MYMK: variants seen among roughly 807,000 people sequenced by gnomAD.
MYMK encodes the protein protein myomaker.
MYMK carries 16 observed loss-of-function variants against 22.4 expected under a neutral mutation model. That is an observed-to-expected ratio of 0.72 (90% confidence interval 0.48 to 1.09). MYMK has a LOEUF of 1.09. MYMK is among the 50% of genes least tolerant of loss of function. The pLI is 0.00. For missense variants in MYMK, 250 were observed against 295.6 expected (o/e 0.85, Z 1.13); for synonymous variants, 125 against 127.0 (o/e 0.98, Z 0.11).
intron 2 of MYMK, 70 bp from the exon 3 acceptor site, chr9:133,519,092 C>T (rs1286789614): frequency 1.9e-6 from 3 of 1,587,656 alleles, no homozygotes. Context: ...CCCCCCCACC[C>T]CCCAGCCCCC....
intron 1 of MYMK, among the ~76,000 whole-genome samples, chr9:133,520,829 G>A (rs1026549025): frequency 6.6e-6 from 1 of 152,216 alleles, no homozygotes; most frequent in South Asian, 2.1e-4. Flanking sequence ...CACTGCAGCA[G>A]CGTTCTCAGG....
Position 133,514,800 on chromosome 9 carries a change from C to A in MYMK, c.517-15G>T. The A allele has an allele frequency of 1.2e-6, 2 of 1,611,374 alleles. No individual in the cohort carries two copies. Among genetic ancestry groups the A allele is most frequent in the Non-Finnish European group, 8.5e-7 (1 of 1,178,372 alleles). On this transcript the variant is annotated splice_polypyrimidine_tract_variant and intron_variant, in intron 4 of 4. Coordinates refer to ENST00000339996, the MANE Select transcript of MYMK (RefSeq NM_001080483.3). ...TAGTCCCAGTCCTGCGGGGGGCAAG[C>A]GGTCAGTCTGGGGCCTCAGCCCCCT...
intron 1 of MYMK, among the ~76,000 whole-genome samples, chr9:133,521,675 A>G (rs1844704719): frequency 6.6e-6 from 1 of 152,258 alleles, no homozygotes; most frequent in East Asian, 1.9e-4. Context: ...CCAGCGGTGG[A>G]CATGACTGTT....
rs200208795 is a variant in MYMK at position 133,519,665 on chromosome 9, GC to G, written c.250+508del. 8.6e-3 allele frequency among the ~76,000 whole-genome samples: 1,311 copies of G among 152,266 alleles called. 28 individuals are homozygous for G. Among genetic ancestry groups the G allele is most frequent in the African/African-American group, 0.03 (1,248 of 41,548 alleles). On this transcript the variant is annotated intron_variant, in intron 2 of 4. Coordinates refer to ENST00000339996, the MANE Select transcript of MYMK (RefSeq NM_001080483.3). ...AGAGAAGAAATGAAGCCCCTCACAG[GC>G]CCGGTTAGATGGCAAGGAGCCTCAG...
Position 133,514,798 on chromosome 9 carries a change from AGCGGTCAGTCTGGG to A in MYMK, c.517-27_517-14del. ...TGTAGTCCCAGTCCTGCGGGGGGCA[AGCGGTCAGTCTGGG>A]GCCTCAGCCCCCTCCCCGAGGCTCC... On this transcript the variant is annotated splice_polypyrimidine_tract_variant and intron_variant, in intron 4 of 4. Transcript: ENST00000339996. The A allele has an allele frequency of 6.2e-7, 1 of 1,612,140 alleles. No individual in the cohort carries two copies. The highest frequency in any genetic ancestry group is 8.5e-7 in the Non-Finnish European group (1 of 1,178,824).
chr9:133,524,585 C>A (rs1588267653), intron 1 of MYMK, 125 bp downstream of exon 1: 2 of 1,422,118 alleles, frequency 1.4e-6, no homozygotes, highest in East Asian at 2.3e-5. Flanking sequence ...CCCACCTGGG[C>A]CTGCTGTTTC....
intron 3 of MYMK, among the ~76,000 whole-genome samples, chr9:133,516,812 T>A (rs796442363): frequency 1.8e-4 from 28 of 152,066 alleles, no homozygotes; most frequent in African/African-American, 6.5e-4. Context: ...CTGGCACTAT[T>A]GAAAGGGCGC....
At chr9:133,518,772 G>T (rs1158034267) in intron 3 of MYMK, 102 bp downstream of exon 3, 1 of 1,456,000 alleles carries the variant, frequency 6.9e-7, no homozygotes, top group Non-Finnish European at 9.2e-7. Context: ...ATTTGCCTAT[G>T]AGGGCAGGAG....
At chr9:133,523,638 C>T (rs1031295572) in intron 1 of MYMK, among the ~76,000 whole-genome samples, 1 of 147,108 alleles carries the variant, frequency 6.8e-6, no homozygotes, top group African/African-American at 2.5e-5. Flanking sequence ...TGGTAATAGA[C>T]GAATAGATCA....
chr9:133,514,877 C>A, intron 4 of MYMK, 92 bp from the exon 5 acceptor site: 1 of 1,424,416 alleles, frequency 7.0e-7, no homozygotes, highest in South Asian at 1.4e-5. Context: ...CAGGCCCCCG[C>A]CTCTGCCAGG....
chr9:133,522,342 T>TCGG (rs796286777), intron 1 of MYMK, among the ~76,000 whole-genome samples: 11 of 96,076 alleles, frequency 1.1e-4, no homozygotes, highest in African/African-American at 4.1e-4. Flanking sequence ...TGAGTGGCTG[T>TCGG]CGGGGGGGGG....
intron 2 of MYMK, 60 bp from the exon 3 acceptor site, chr9:133,519,082 C>A (rs1017446913): frequency 4.4e-6 from 7 of 1,581,902 alleles, no homozygotes; most frequent in South Asian, 1.1e-5. Context: ...CTCCTGGCTA[C>A]CCCCCCACCC....
intron 3 of MYMK, among the ~76,000 whole-genome samples, chr9:133,517,491 C>T (rs926878386): frequency 6.6e-5 from 10 of 152,140 alleles, no homozygotes; most frequent in African/African-American, 2.4e-4. Context: ...CGTGGTGAAA[C>T]CCCATCGCTA....
intron 3 of MYMK, among the ~76,000 whole-genome samples, chr9:133,517,642 G>T (rs1218569580): frequency 6.7e-6 from 1 of 149,292 alleles, no homozygotes; most frequent in African/African-American, 2.5e-5. Flanking sequence ...CTCCAGCCTG[G>T]GTGACAAGAG....
At chr9:133,519,846 A>T (rs897556690) in intron 2 of MYMK, among the ~76,000 whole-genome samples, 1 of 152,200 alleles carries the variant, frequency 6.6e-6, no homozygotes, top group South Asian at 2.1e-4. Flanking sequence ...AGCAGTGAAC[A>T]GCGGTCCTCC....
rs1003903868 is a variant in MYMK at position 133,517,191 on chromosome 9, G to A, written c.400-1584C>T. ...AGGGGCAGAAGGAGGCGAGAGGCGG[G>A]TGGCCAGGACCCAGGGCCCCAGCAC... On this transcript the variant is annotated intron_variant, in intron 3 of 4. Coordinates refer to ENST00000339996, the MANE Select transcript of MYMK (RefSeq NM_001080483.3). Among the ~76,000 whole-genome samples, 47 of 152,282 alleles carry A rather than the reference G, an allele frequency of 3.1e-4. No homozygotes were observed. In the East Asian group the frequency reaches 3.7e-3, roughly 12 times the overall value.
chr9:133,516,915 C>T (rs529568462), intron 3 of MYMK, among the ~76,000 whole-genome samples: 5 of 152,378 alleles, frequency 3.3e-5, no homozygotes, highest in East Asian at 3.9e-4. Flanking sequence ...AATCCACCCT[C>T]ATTCCAGGAA....
At chr9:133,520,975 G>T (rs756836601) in intron 1 of MYMK, among the ~76,000 whole-genome samples, 7 of 152,104 alleles carry the variant, frequency 4.6e-5, no homozygotes, top group Non-Finnish European at 1.0e-4. Flanking sequence ...CACTGCTGAG[G>T]CTGGCAGGGC....
In MYMK at chr9:133,514,789, C is replaced by T. The variant is rs200945900; in HGVS notation, c.517-4G>A. ...GGACATAAGTGTAGTCCCAGTCCTG[C>T]GGGGGGCAAGCGGTCAGTCTGGGGC... On this transcript the variant is annotated splice_region_variant and splice_polypyrimidine_tract_variant and intron_variant, in intron 4 of 4. Transcript: ENST00000339996. The T allele has an allele frequency of 3.2e-4, 521 of 1,612,572 alleles. No individual in the cohort carries two copies. Among genetic ancestry groups the T allele is most frequent in the Non-Finnish European group, 4.1e-4 (487 of 1,179,098 alleles).
Sources: gnomAD v4.1 joint callset for allele counts (sites outside exome capture counted in the v4.1 genomes callset) on GRCh38, gnomAD v4.1.1 for gene constraint, MANE v1.5 for transcripts, NCBI Gene and HGNC (gene_info 2026-07-23, HGNC 2026-07-21) for gene names.